The following FAM13C variants were observed in gnomAD, a reference collection of about 807,000 sequenced individuals.
FAM13C encodes protein FAM13C.
In FAM13C, 37 loss-of-function variants were observed where a neutral mutation model predicts 73.2. The observed-to-expected ratio is 0.51, with a 90% CI of 0.39 to 0.67. FAM13C has a LOEUF of 0.67. Among genes scored for constraint, FAM13C ranks in the 30% least tolerant of loss-of-function variants. The pLI is 0.00. For synonymous variants in FAM13C, 246 were observed against 260.9 expected, an observed-to-expected ratio of 0.94 and a Z score of 0.55; for missense variants, 589 against 715.6, an observed-to-expected ratio of 0.82 and a Z score of 2.02.
At chr10:59,268,403 G>T in intron 8 of FAM13C, 150 bp downstream of exon 8, 1 of 865,808 alleles carries the variant, frequency 1.2e-6, no homozygotes, top group Non-Finnish European at 1.8e-6. Context: ...ACAGATAGAA[G>T]ATGAAGACTC....
At chr10:59,315,442 TG>T (rs779372470) in intron 4 of FAM13C, among the ~76,000 whole-genome samples, 164 of 152,324 alleles carry the variant, frequency 1.1e-3, no homozygotes, top group African/African-American at 3.0e-3. Context: ...TGAAATTTAG[TG>T]GGGTTTTTTT....
intron 5 of FAM13C, among the ~76,000 whole-genome samples, chr10:59,299,804 G>T (rs1847353222): frequency 6.6e-6 from 1 of 151,974 alleles, no homozygotes; most frequent in Non-Finnish European, 1.5e-5. Flanking sequence ...AAAATCTGAT[G>T]TCTTACCGAG....
At chr10:59,283,582 G>T (rs762548000) in intron 5 of FAM13C, 135 bp from the exon 6 acceptor site, 2 of 836,816 alleles carry the variant, frequency 2.4e-6, no homozygotes, top group Non-Finnish European at 4.1e-6. Flanking sequence ...CGCAGCTCCC[G>T]CAAGCACCTT....
chr10:59,280,335 TC>T (rs1226482438), intron 6 of FAM13C, among the ~76,000 whole-genome samples: 3 of 152,136 alleles, frequency 2.0e-5, no homozygotes, highest in African/African-American at 7.2e-5. Context: ...GGCCCTCTAT[TC>T]CTCAAATCTG....
intron 3 of FAM13C, among the ~76,000 whole-genome samples, chr10:59,343,773 G>A (rs568514005): frequency 5.9e-5 from 9 of 152,252 alleles, no homozygotes; most frequent in African/African-American, 2.2e-4. Context: ...GGTGACCAAT[G>A]ATGGTTATGT....
chr10:59,339,826 T>C (rs532152092), intron 3 of FAM13C, among the ~76,000 whole-genome samples: 171 of 152,258 alleles, frequency 1.1e-3, no homozygotes, highest in Admixed American at 2.5e-3. Flanking sequence ...ATAACAGAGG[T>C]CCCAGCATAG....
intron 4 of FAM13C, among the ~76,000 whole-genome samples, chr10:59,303,379 TG>T (rs1847829056): frequency 6.6e-6 from 1 of 152,248 alleles, no homozygotes; most frequent in Non-Finnish European, 1.5e-5. Flanking sequence ...TTTATTTGCA[TG>T]TCCACAGTAA....
At chr10:59,289,294 C>G (rs946413997) in intron 5 of FAM13C, among the ~76,000 whole-genome samples, 2 of 152,210 alleles carry the variant, frequency 1.3e-5, no homozygotes, top group Non-Finnish European at 2.9e-5. Context: ...CAGGTCCTAA[C>G]AGGCTACAGG....
intron 8 of FAM13C, among the ~76,000 whole-genome samples, chr10:59,267,823 C>T (rs867951254): frequency 1.1e-4 from 17 of 151,996 alleles, no homozygotes; most frequent in South Asian, 1.0e-3. Context: ...AGCTCTCTGC[C>T]GAAGACCCAA....
chr10:59,256,889 T>G (rs1324677952), intron 10 of FAM13C, among the ~76,000 whole-genome samples: 1 of 152,176 alleles, frequency 6.6e-6, no homozygotes, highest in Non-Finnish European at 1.5e-5. Flanking sequence ...ATTCAATGGC[T>G]CTCTCTTTCT....
In FAM13C at chr10:59,355,924, A is replaced by C; in HGVS notation, c.82T>G (p.Ser28Ala). 1 of 1,614,016 alleles carries C rather than the reference A, an allele frequency of 6.2e-7. No individual in the cohort carries two copies. The highest frequency in any genetic ancestry group is 8.5e-7 in the Non-Finnish European group (1 of 1,179,914). ...TVTECDEDPV[S>A]LHEDQTDCSS... ...CAATCAGTCTGGTCTTCATGTAGAGAGACTGGATCTTCGTCACACCTGGAA... is the reference window on the plus strand; with the variant it reads ...CAATCAGTCTGGTCTTCATGTAGAGCGACTGGATCTTCGTCACACCTGGAA... The change falls in exon 2 of 14, where the codon TCT (serine) becomes GCT (alanine). Residue 28 changes from serine to alanine, a missense_variant. By Grantham distance (99) the Ser-to-Ala change is moderately conservative. Transcript: ENST00000618804.
intron 4 of FAM13C, among the ~76,000 whole-genome samples, chr10:59,319,317 G>A (rs1212183895): frequency 6.6e-6 from 1 of 152,210 alleles, no homozygotes; most frequent in African/African-American, 2.4e-5. Flanking sequence ...GAATCTGGAT[G>A]AAGAGGCCAA....
Position 59,359,237 on chromosome 10 carries a change from T to C in FAM13C, c.62+3162A>G, listed in dbSNP as rs536315112. Among the ~76,000 whole-genome samples the C allele has an allele frequency of 3.3e-5, 5 of 152,334 alleles. No homozygotes were observed. In the South Asian group the frequency reaches 1.0e-3, roughly 32 times the overall value. ...AGTTGTAAGTCAAGATCCCAAGGCC[T>C]CAATCGGTGAAGCCTGGATTGTTTC... On this transcript the variant is annotated intron_variant, in intron 1 of 13. Transcript: ENST00000618804.
In FAM13C at chr10:59,302,849, A is replaced by G; in HGVS notation, c.459T>C (p.Thr153=). 4.3e-6 allele frequency: 7 copies of G among 1,614,108 alleles called. No individual in the cohort carries two copies. The highest frequency in any genetic ancestry group is 5.9e-6 in the Non-Finnish European group (7 of 1,179,964). The change falls in exon 5 of 14, where the codon ACT becomes ACC. Residue 153 remains threonine (T), a synonymous_variant. Transcript: ENST00000618804. ...CAAAAGCATCCTTTGGCGAAATGGC[A>G]GTCCTCTGGTCTATTCTATAAAATA... The part of the protein sequence containing the change: ...VRLQPRIDQR[T]AISPKDAFET...
intron 10 of FAM13C, among the ~76,000 whole-genome samples, chr10:59,258,364 T>G (rs1187247866): frequency 2.0e-5 from 3 of 152,154 alleles, no homozygotes; most frequent in African/African-American, 7.2e-5. Context: ...ACACCTGTAG[T>G]CCCAGCTACT....
intron 4 of FAM13C, among the ~76,000 whole-genome samples, chr10:59,313,495 G>A (rs1849177579): frequency 6.6e-6 from 1 of 152,166 alleles, no homozygotes; most frequent in East Asian, 1.9e-4. Context: ...TGGCCAACTA[G>A]GGCCACTTTG....
chr10:59,277,339 C>A (rs924482478), intron 6 of FAM13C, among the ~76,000 whole-genome samples: 1 of 152,162 alleles, frequency 6.6e-6, no homozygotes, highest in African/African-American at 2.4e-5. Flanking sequence ...ATAAAATGCC[C>A]TTGTTCCCAT....
intron 8 of FAM13C, among the ~76,000 whole-genome samples, chr10:59,265,398 G>A (rs73298134): frequency 0.14 from 17,978 of 127,926 alleles, 2,995 homozygotes; most frequent in African/African-American, 0.41. Context: ...CTCTAAAACA[G>A]CTTAGCCTAG....
intron 10 of FAM13C, among the ~76,000 whole-genome samples, chr10:59,260,556 C>G (rs926767633): frequency 1.3e-5 from 2 of 152,130 alleles, no homozygotes; most frequent in Admixed American, 1.3e-4. Flanking sequence ...TTCCTAATCC[C>G]TTTATCTAAA....
Sources: allele counts gnomAD v4.1 joint callset (sites outside exome capture counted in the v4.1 genomes callset), GRCh38; gene constraint gnomAD v4.1.1; transcripts MANE v1.5; gene names NCBI Gene and HGNC (gene_info 2026-07-23, HGNC 2026-07-21).